Variants in MTMR2 observed in about 807,000 individuals in gnomAD.
MTMR2 encodes the protein myotubularin related protein 2.
MTMR2 carries 55 observed loss-of-function variants against 86.9 expected under a neutral mutation model. The ratio of observed to expected loss-of-function variants is 0.63; its 90% CI spans 0.51 to 0.79. The LOEUF (loss-of-function observed/expected upper bound fraction) is 0.79. Ranked by LOEUF, MTMR2 falls within the 30% of genes least tolerant of loss-of-function variation. MTMR2 has a pLI of 0.00. For missense variants in MTMR2, 659 were observed against 772.3 expected (o/e 0.85, Z 1.74); for synonymous variants, 241 against 266.8 (o/e 0.90, Z 0.94).
chr11:95,856,274 T>C (rs970223769), intron 7 of MTMR2, among the ~76,000 whole-genome samples: 2 of 151,900 alleles, frequency 1.3e-5, no homozygotes, highest in Admixed American at 1.3e-4. Context: ...AAAACCTACC[T>C]TTCAGTATAC....
chr11:95,850,710 C>T lies in MTMR2; in HGVS notation c.694G>A (p.Glu232Lys). Residue 232 changes from glutamate to lysine, a missense_variant, in exon 8 of 15, where the codon GAA becomes AAA. By Grantham distance (56) the Glu-to-Lys change is moderately conservative. This residue lies in a region of MTMR2 where 387 missense variants were observed against 526.3 expected (regional missense o/e 0.74). Transcript: ENST00000346299. ...TATGTATCACAAAGTTCATATCGTT[C>T]ATTTATCTTTGTTATTCTCCAGCTT... ...NESWRITKIN[E>K]RYELCDTYPA... The T allele has an allele frequency of 6.2e-7, 1 of 1,613,452 alleles. No individual in the cohort carries two copies. Among genetic ancestry groups the T allele is most frequent in the Non-Finnish European group, 8.5e-7 (1 of 1,179,542 alleles).
chr11:95,887,325 C>A (rs564839669), intron 2 of MTMR2, among the ~76,000 whole-genome samples: 3 of 152,128 alleles, frequency 2.0e-5, no homozygotes, highest in Admixed American at 6.6e-5. Context: ...AGAAGACATA[C>A]CCTCATCAGA....
chr11:95,900,084 C>T lies in MTMR2; in HGVS notation c.81-11823G>A, dbSNP rs139812197. Among the ~76,000 whole-genome samples, 694 of 152,100 alleles carry T rather than the reference C, an allele frequency of 4.6e-3. 5 individuals carry two copies. The highest frequency in any genetic ancestry group is 0.016 in the African/African-American group (665 of 41,498). On this transcript the variant is annotated intron_variant, in intron 1 of 14. Transcript: ENST00000346299. ...AGCAGTAAGATCACTGAATAGACAA[C>T]GGAACGAGGCCACATAATGACAAAG...
At chr11:95,852,867 CG>C (rs1193406549) in intron 7 of MTMR2, among the ~76,000 whole-genome samples, 4 of 151,880 alleles carry the variant, frequency 2.6e-5, no homozygotes, top group Non-Finnish European at 5.9e-5. Flanking sequence ...GATGAAACCC[CG>C]TTTCTATTAT....
chr11:95,884,042 A>G (rs1865432191), intron 2 of MTMR2, among the ~76,000 whole-genome samples: 1 of 152,232 alleles, frequency 6.6e-6, no homozygotes, highest in African/African-American at 2.4e-5. Context: ...CTAGAGGTTA[A>G]CCAGCTTCAA....
intron 1 of MTMR2, among the ~76,000 whole-genome samples, chr11:95,897,437 C>T (rs942785835): frequency 6.6e-6 from 1 of 151,924 alleles, no homozygotes. Context: ...AGAATTAATC[C>T]GATATTGTGT....
At chr11:95,854,042 C>T (rs1002376365) in intron 7 of MTMR2, among the ~76,000 whole-genome samples, 5 of 152,224 alleles carry the variant, frequency 3.3e-5, no homozygotes, top group African/African-American at 7.2e-5. Context: ...ACATTATTCA[C>T]GTAAGTAGCA....
intron 2 of MTMR2, among the ~76,000 whole-genome samples, chr11:95,878,434 CTA>C (rs376805356): frequency 3.3e-5 from 5 of 151,924 alleles, no homozygotes; most frequent in African/African-American, 1.2e-4. Flanking sequence ...CTAATGCAAA[CTA>C]TGTATTTTAG....
intron 2 of MTMR2, among the ~76,000 whole-genome samples, chr11:95,874,820 G>C (rs940835316): frequency 2.0e-5 from 3 of 152,126 alleles, no homozygotes; most frequent in Non-Finnish European, 4.4e-5. Flanking sequence ...GCATTTGCTT[G>C]TCTGTAAAGG....
Position 95,923,902 on chromosome 11 carries a change from C to G in MTMR2, c.53G>C (p.Arg18Pro). 6.4e-7 allele frequency: 1 copy of G among 1,558,092 alleles called. No individual in the cohort carries two copies. The highest frequency in any genetic ancestry group is 1.4e-5 in the African/African-American group (1 of 73,610). The part of the protein sequence containing the change: ...ESLGSQPAAA[R>P]PPSVDSLSSA... Reference sequence around the variant, plus strand: ...GGACAAGGAGTCCACGCTGGGCGGCCGAGCCGCCGCCGGCTGGGAGCCAAG... The same window carrying G: ...GGACAAGGAGTCCACGCTGGGCGGCGGAGCCGCCGCCGGCTGGGAGCCAAG... The change falls in exon 1 of 15, where the codon CGG becomes CCG. Residue 18 changes from arginine (R) to proline (P), a missense_variant. Arg to Pro is a moderately radical substitution (Grantham distance 103). Transcript: ENST00000346299.
rs1863162748 is a variant in MTMR2, at chr11:95,834,458, A to G, written c.*832T>C. 6.6e-6 allele frequency: 1 copy of G among 152,086 alleles called. No homozygotes were observed. 9.4% of individuals were successfully genotyped at this position (152,086 alleles called of 1,614,324 possible). A position where few individuals can be genotyped will look rare whatever the true frequency, so the allele number is the denominator to read the frequency against. ...AGTAAGATTTTTAAATACTTCTTAA[A>G]AACTTGCTAATTAGCTTCTGTGTGT... On this transcript the variant is annotated 3_prime_UTR_variant, in exon 15 of 15. Transcript: ENST00000346299.
intron 13 of MTMR2, among the ~76,000 whole-genome samples, chr11:95,837,851 G>T (rs1291198426): frequency 6.6e-6 from 1 of 151,952 alleles, no homozygotes; most frequent in Non-Finnish European, 1.5e-5. Flanking sequence ...GTTCTCTTTA[G>T]CAGAAACCAC....
chr11:95,888,177 G>A lies in MTMR2; in HGVS notation c.165C>T (p.Asp55=). Residue 55 remains aspartate, a synonymous_variant, in exon 2 of 15, where the codon GAC becomes GAT. Transcript: ENST00000346299. ...VSSDSISTSA[D]NFSPDLRVLR... ...ATACCCTCAAATCAGGAGAAAAGTT[G>A]TCGGCAGAAGTTGAAATGGAATCTG... The A allele has an allele frequency of 1.2e-6, 2 of 1,612,734 alleles. No homozygotes were observed. Among genetic ancestry groups the A allele is most frequent in the South Asian group, 1.1e-5 (1 of 91,050 alleles).
intron 2 of MTMR2, among the ~76,000 whole-genome samples, chr11:95,875,846 G>T (rs924592938): frequency 1.3e-5 from 2 of 152,202 alleles, no homozygotes; most frequent in Non-Finnish European, 2.9e-5. Context: ...CAGGTCTGTT[G>T]GAGTTTGCTG....
intron 4 of MTMR2, 40 bp downstream of exon 4, chr11:95,862,232 A>C (rs746042627): frequency 1.3e-6 from 2 of 1,557,592 alleles, no homozygotes; most frequent in South Asian, 2.2e-5. Flanking sequence ...GCTACAAACA[A>C]CACACTCATG....
rs142195446 is a variant in MTMR2 at position 95,903,903 on chromosome 11, A to G, written c.81-15642T>C. On this transcript the variant is annotated intron_variant, in intron 1 of 14. Transcript: ENST00000346299. ...GCTGAGGCAGGCGGATCACGAGGTC[A>G]GGAGATTGACACTACCCTGGCTAAG... 5.9e-4 allele frequency among the ~76,000 whole-genome samples: 90 copies of G among 152,244 alleles called. 3 individuals are homozygous for G. The highest frequency in any genetic ancestry group is 6.8e-3 in the Middle Eastern group (2 of 294).
At chr11:95,896,426 C>T (rs897229697) in intron 1 of MTMR2, among the ~76,000 whole-genome samples, 1 of 151,700 alleles carries the variant, frequency 6.6e-6, no homozygotes, top group Non-Finnish European at 1.5e-5. Flanking sequence ...AGTGATCCTC[C>T]CCGCTCAGGC....
intron 1 of MTMR2, among the ~76,000 whole-genome samples, chr11:95,891,905 A>G (rs1221577230): frequency 6.6e-6 from 1 of 152,142 alleles, no homozygotes; most frequent in Admixed American, 6.5e-5. Flanking sequence ...AGAGAGCATG[A>G]GAGAGCAAGT....
At chr11:95,916,602 A>G (rs1291970022) in intron 1 of MTMR2, among the ~76,000 whole-genome samples, 1 of 152,128 alleles carries the variant, frequency 6.6e-6, no homozygotes, top group Non-Finnish European at 1.5e-5. Flanking sequence ...TCCTATATTA[A>G]GCCACTGTCA....
Sources: gnomAD v4.1 joint callset for allele counts (sites outside exome capture counted in the v4.1 genomes callset) on GRCh38, gnomAD v4.1.1 for gene constraint, gnomAD v4.1.1 regional missense constraint, MANE v1.5 for transcripts, NCBI Gene and HGNC (gene_info 2026-07-23, HGNC 2026-07-21) for gene names.